Variants in USP15 observed in about 807,000 individuals in gnomAD.
USP15 encodes the protein ubiquitin specific peptidase 15, also known as ubiquitin carboxyl-terminal hydrolase 15.
Under a neutral mutation model 127.1 loss-of-function variants are expected in USP15, and 18 were observed. The ratio of observed to expected loss-of-function variants is 0.14; its 90% CI spans 0.10 to 0.21. The LOEUF is 0.21. USP15 is among the 10% of genes least tolerant of loss of function. The pLI, the probability that USP15 is intolerant of heterozygous loss-of-function variation, is 1.00. For missense variants in USP15, 805 were observed against 1,159.9 expected, an observed-to-expected ratio of 0.69 and a Z score of 4.44; for synonymous variants, 364 against 393.7, an observed-to-expected ratio of 0.92 and a Z score of 0.89.
chr12:62,270,731 T>G (rs2063329283), intron 1 of USP15, among the ~76,000 whole-genome samples: 1 of 152,128 alleles, frequency 6.6e-6, no homozygotes. Context: ...AGTACCAGAT[T>G]ATAACTGTGT....
chr12:62,389,371 T>C, intron 11 of USP15, 60 bp from the exon 12 acceptor site: 1 of 1,414,912 alleles, frequency 7.1e-7, no homozygotes, highest in Non-Finnish European at 9.7e-7. Context: ...GAGGTCACTC[T>C]CATTTACTGA....
chr12:62,381,761 G>T, intron 9 of USP15, 98 bp downstream of exon 9: 1 of 1,226,948 alleles, frequency 8.2e-7, no homozygotes, highest in Non-Finnish European at 1.1e-6. Flanking sequence ...TATTACAATG[G>T]TTTGTGGCCC....
intron 19 of USP15, 135 bp from the exon 20 acceptor site, chr12:62,396,160 A>G (rs547758244): frequency 3.2e-5 from 12 of 372,912 alleles, no homozygotes; most frequent in Non-Finnish European, 4.6e-5. Flanking sequence ...TGAGATATAT[A>G]TATATATAGA....
At chr12:62,288,500 C>T (rs976470805) in intron 1 of USP15, among the ~76,000 whole-genome samples, 1 of 151,918 alleles carries the variant, frequency 6.6e-6, no homozygotes, top group Non-Finnish European at 1.5e-5. Context: ...AAGAAGTCTT[C>T]GTGGAATCTT....
intron 8 of USP15, 129 bp from the exon 9 acceptor site, chr12:62,381,361 G>T: frequency 1.3e-6 from 1 of 752,846 alleles, no homozygotes; most frequent in Non-Finnish European, 2.0e-6. Context: ...AGTTATTAGT[G>T]CAAGAAACCA....
chr12:62,285,625 G>A (rs2063764518), intron 1 of USP15, among the ~76,000 whole-genome samples: 1 of 152,050 alleles, frequency 6.6e-6, no homozygotes, highest in African/African-American at 2.4e-5. Flanking sequence ...TGGCTGAGTA[G>A]TATTCCATGG....
chr12:62,391,479 A>T lies in USP15; in HGVS notation c.2233+50A>T, dbSNP rs747334035. 2.0e-5 allele frequency: 27 copies of T among 1,370,112 alleles called. No individual in the cohort carries two copies. The African/African-American group carries it at 2.7e-4, about 14-fold the overall frequency. 84.9% of individuals were successfully genotyped at this position (1,370,112 alleles called of 1,614,324 possible). A position where few individuals can be genotyped will look rare whatever the true frequency, so the allele number is the denominator to read the frequency against. ...GAACATTAAACAAGCCGAGCATGTT[A>T]TTTTTTTTTTAGGTGAAAACCATGA... On this transcript the variant is annotated intron_variant, in intron 16 of 21. Coordinates refer to ENST00000280377, the MANE Select transcript of USP15 (RefSeq NM_001252078.2).
intron 6 of USP15, among the ~76,000 whole-genome samples, chr12:62,343,352 G>C (rs908537785): frequency 2.0e-5 from 3 of 152,182 alleles, no homozygotes; most frequent in African/African-American, 7.2e-5. Flanking sequence ...TGGGATCCAT[G>C]GGAGTGGGAC....
chr12:62,298,232 A>T (rs987628602), intron 2 of USP15, among the ~76,000 whole-genome samples: 1 of 152,206 alleles, frequency 6.6e-6, no homozygotes, highest in Non-Finnish European at 1.5e-5. Flanking sequence ...ATTTAAAGAC[A>T]TACTGGCTGA....
intron 9 of USP15, among the ~76,000 whole-genome samples, chr12:62,383,569 A>T (rs952947471): frequency 2.0e-5 from 3 of 151,940 alleles, no homozygotes; most frequent in Non-Finnish European, 2.9e-5. Context: ...TACAAAGGAC[A>T]CTTGTTTATA....
At chr12:62,402,171 T>C (rs1275476336) in intron 21 of USP15, among the ~76,000 whole-genome samples, 1 of 151,876 alleles carries the variant, frequency 6.6e-6, no homozygotes, top group Non-Finnish European at 1.5e-5. Context: ...TTATATATAG[T>C]ATACAAATTT....
intron 4 of USP15, chr12:62,315,142 A>G: frequency 3.2e-6 from 1 of 309,058 alleles, no homozygotes; most frequent in Non-Finnish European, 5.7e-6. Context: ...TTTTTTATAA[A>G]ACATCAAATA....
In USP15 at chr12:62,414,195, C is replaced by G. The variant is rs1394746957; in HGVS notation, c.*9820C>G. 6.6e-6 allele frequency: 1 copy of G among 152,176 alleles called. No homozygotes were observed. The highest frequency in any genetic ancestry group is 2.4e-5 in the African/African-American group (1 of 41,436). The allele number at this position is 152,176 out of a possible 1,614,324, so 9.4% of individuals were successfully genotyped here. ...GAAGTACCAAGATATGACACACACA[C>G]AGTAAGCACATTCTGTTAGGAAAAT... On this transcript the variant is annotated 3_prime_UTR_variant, in exon 22 of 22. Transcript: ENST00000280377.
At chr12:62,289,279 C>T (rs2063880057) in intron 1 of USP15, among the ~76,000 whole-genome samples, 1 of 151,720 alleles carries the variant, frequency 6.6e-6, no homozygotes, top group African/African-American at 2.4e-5. Flanking sequence ...AATCTTAGTA[C>T]TCATTATTGG....
At position 62,391,349 on chromosome 12, in the gene USP15, A is replaced by G. The variant is rs1053590570; in HGVS notation, c.2153A>G (p.Asn718Ser). 3.7e-6 allele frequency: 6 copies of G among 1,613,338 alleles called. No homozygotes were observed. Among genetic ancestry groups the G allele is most frequent in the Middle Eastern group, 1.6e-4 (1 of 6,080 alleles). The change falls in exon 16 of 22, where the codon AAC becomes AGC. Residue 718 changes from asparagine to serine, a missense_variant. Asn to Ser is a conservative substitution (Grantham distance 46, BLOSUM62 1). This residue lies in a region of USP15 where 225 missense variants were observed against 239.5 expected (regional missense o/e 0.94). Transcript: ENST00000280377. ...KKRLFTFQFN[N>S]LGNTDINYIK... ...CGATTGTTTACATTCCAGTTCAACA[A>G]CTTAGGCAATACTGATATCAACTAC...
intron 1 of USP15, among the ~76,000 whole-genome samples, chr12:62,285,607 C>A (rs2063763792): frequency 6.6e-6 from 1 of 151,986 alleles, no homozygotes; most frequent in South Asian, 2.1e-4. Flanking sequence ...TGGTTTTATT[C>A]TTTTTTATGG....
intron 1 of USP15, among the ~76,000 whole-genome samples, chr12:62,291,903 G>A (rs971082388): frequency 3.3e-5 from 5 of 152,188 alleles, no homozygotes; most frequent in Admixed American, 6.5e-5. Context: ...TTCCCAAATT[G>A]TGTGCATTTA....
chr12:62,332,971 C>G (rs1462303859), intron 6 of USP15, among the ~76,000 whole-genome samples: 2 of 152,272 alleles, frequency 1.3e-5, no homozygotes, highest in East Asian at 3.9e-4. Context: ...ATAGTAAGCA[C>G]TTAGGTGATT....
intron 1 of USP15, among the ~76,000 whole-genome samples, chr12:62,289,697 T>TTGTG (rs71450579): frequency 0.19 from 25,885 of 135,198 alleles, 2,479 homozygotes; most frequent in African/African-American, 0.22. Context: ...GGTTGTTAAT[T>TTGTG]TGTGTGTGTG....
Sources: allele counts gnomAD v4.1 joint callset (sites outside exome capture counted in the v4.1 genomes callset), GRCh38; gene constraint gnomAD v4.1.1; regional missense constraint gnomAD v4.1.1; transcripts MANE v1.5; gene names NCBI Gene and HGNC (gene_info 2026-07-23, HGNC 2026-07-21).